The following ANKRD44 variants were observed in gnomAD, a reference collection of about 807,000 sequenced individuals.
ANKRD44 encodes the protein serine/threonine-protein phosphatase 6 regulatory ankyrin repeat subunit B.
Under a neutral mutation model 116.0 loss-of-function variants are expected in ANKRD44, and 35 were observed. The ratio of observed to expected loss-of-function variants is 0.30; its 90% CI spans 0.23 to 0.40. The LOEUF (loss-of-function observed/expected upper bound fraction) is 0.40, where lower values mean the gene tolerates loss of function less well. Among genes scored for constraint, ANKRD44 ranks in the 10% least tolerant of loss-of-function variants. ANKRD44 has a pLI of 1.00. For synonymous variants in ANKRD44, 435 were observed against 461.8 expected (o/e 0.94, Z 0.74); for missense variants, 1,014 against 1,242.6 (o/e 0.82, Z 2.77).
At chr2:196,998,163 A>G (rs1559404529) in intron 25 of ANKRD44, among the ~76,000 whole-genome samples, 174 bp downstream of exon 25, 1 of 152,186 alleles carries the variant, frequency 6.6e-6, no homozygotes, top group East Asian at 1.9e-4. Flanking sequence ...ACACGAATGC[A>G]TTGTTGGGTC....
At chr2:196,982,220 G>A (rs2075807147), downstream of ANKRD44, among the ~76,000 whole-genome samples, 2 of 151,022 alleles carry the variant, frequency 1.3e-5, no homozygotes, top group Admixed American at 6.6e-5. Context: ...AGAGACCAGG[G>A]CAGTTTCCAG....
intron 16 of ANKRD44, among the ~76,000 whole-genome samples, chr2:197,041,089 A>T (rs983400843): frequency 2.6e-5 from 4 of 152,218 alleles, no homozygotes; most frequent in African/African-American, 9.6e-5. Context: ...ACTGTTCCAC[A>T]ACTAACTCTT....
rs778287888 is a variant in ANKRD44, at chr2:197,086,644, T to G, written c.1316+36A>C. ...CATAGACCACTCCCAGTTCCTCTTA[T>G]TTAAGCACTTGAAGCACAACTCTCT... On this transcript the variant is annotated intron_variant, in intron 13 of 27. Transcript: ENST00000282272. 14 of 1,601,812 alleles carry G rather than the reference T, an allele frequency of 8.7e-6. 1 individual carries two copies. The South Asian group carries it at 1.2e-4, about 14-fold the overall frequency.
chr2:196,990,877 G>A (rs2075902612), intron 27 of ANKRD44: 9 of 1,232,668 alleles, frequency 7.3e-6, no homozygotes, highest in South Asian at 8.2e-5. Flanking sequence ...ATGAGGGCCA[G>A]GCAGTCAGCC....
intron 1 of ANKRD44, among the ~76,000 whole-genome samples, chr2:197,282,304 T>C (rs934455578): frequency 6.6e-6 from 1 of 152,068 alleles, no homozygotes; most frequent in Admixed American, 6.5e-5. Context: ...TTTGCCATTA[T>C]GTTTTCTTTT....
intron 2 of ANKRD44, among the ~76,000 whole-genome samples, chr2:197,185,934 G>C (rs550550898): frequency 4.6e-5 from 7 of 152,240 alleles, no homozygotes; most frequent in Admixed American, 4.6e-4. Context: ...GCCACTTATA[G>C]TCTGTTTCAC....
intron 24 of ANKRD44, 102 bp downstream of exon 24, chr2:196,998,804 CT>C: frequency 1.4e-6 from 2 of 1,478,398 alleles, no homozygotes; most frequent in Non-Finnish European, 1.8e-6. Flanking sequence ...GCTAATGGCC[CT>C]TTTCCACGTG....
At chr2:197,010,412 CT>C (rs1484727283) in intron 18 of ANKRD44, among the ~76,000 whole-genome samples, 2 of 152,182 alleles carry the variant, frequency 1.3e-5, no homozygotes, top group East Asian at 3.9e-4. Context: ...GGGCCTCCCC[CT>C]GCCCCTCCTC....
At chr2:197,066,486 C>G (rs1228845682) in intron 16 of ANKRD44, among the ~76,000 whole-genome samples, 2 of 152,074 alleles carry the variant, frequency 1.3e-5, no homozygotes, top group South Asian at 2.1e-4. Flanking sequence ...ATTAGGAAAA[C>G]AGGAAGTCAA....
At chr2:197,023,707 C>T (rs1398954861) in intron 17 of ANKRD44, among the ~76,000 whole-genome samples, 2 of 152,184 alleles carry the variant, frequency 1.3e-5, no homozygotes, top group African/African-American at 2.4e-5. Context: ...TAACCCTCCA[C>T]ATAAGACTCT....
intron 21 of ANKRD44, among the ~76,000 whole-genome samples, chr2:196,975,147 C>G (rs184887030): frequency 9.2e-5 from 14 of 152,166 alleles, no homozygotes; most frequent in Admixed American, 7.8e-4. Context: ...ACTAACCTTA[C>G]AGCAACATAA....
At chr2:197,100,326 T>G (rs1177106715) in intron 9 of ANKRD44, among the ~76,000 whole-genome samples, 1 of 152,050 alleles carries the variant, frequency 6.6e-6, no homozygotes, top group African/African-American at 2.4e-5. Flanking sequence ...TCCCAGCTAC[T>G]CAGGAGGCTG....
intron 2 of ANKRD44, among the ~76,000 whole-genome samples, chr2:197,160,183 A>G (rs530082616): frequency 1.3e-5 from 2 of 152,338 alleles, no homozygotes; most frequent in Admixed American, 6.5e-5. Flanking sequence ...CTTTGAGTAA[A>G]TAAATCAACC....
chr2:197,259,610 C>T (rs1338740551), intron 1 of ANKRD44, among the ~76,000 whole-genome samples: 1 of 152,128 alleles, frequency 6.6e-6, no homozygotes, highest in East Asian at 1.9e-4. Flanking sequence ...GTTAAACTGT[C>T]GTCCTCCAAC....
intron 8 of ANKRD44, among the ~76,000 whole-genome samples, chr2:197,117,818 T>C (rs1395807886): frequency 6.6e-6 from 1 of 152,242 alleles, no homozygotes; most frequent in Non-Finnish European, 1.5e-5. Context: ...GTTTTATTGA[T>C]TTCTAGTTAT....
At chr2:197,216,565 A>C (rs1186892424) in intron 1 of ANKRD44, among the ~76,000 whole-genome samples, 1 of 152,116 alleles carries the variant, frequency 6.6e-6, no homozygotes, top group African/African-American at 2.4e-5. Flanking sequence ...ATCCAGGCTG[A>C]CCAGAGTGCT....
chr2:197,136,537 ACTTTTT>A (rs745334029), intron 4 of ANKRD44, 49 bp downstream of exon 4: 108 of 1,526,280 alleles, frequency 7.1e-5, no homozygotes, highest in Non-Finnish European at 9.6e-5. Context: ...CGCTAGCAAG[ACTTTTT>A]CTTTTTCTAG....
At chr2:197,015,243 G>A (rs2076369911) in intron 17 of ANKRD44, 5 of 330,362 alleles carry the variant, frequency 1.5e-5, no homozygotes, top group South Asian at 2.9e-5. Flanking sequence ...AAAGCCTGCT[G>A]CCCATCTAAC....
chr2:197,151,575 G>A (rs1328657722), intron 2 of ANKRD44, among the ~76,000 whole-genome samples: 2 of 152,090 alleles, frequency 1.3e-5, no homozygotes, highest in Non-Finnish European at 2.9e-5. Context: ...AAAAAGAAAG[G>A]GGAGGAGAAA....
Sources: gnomAD v4.1 joint callset for allele counts (sites outside exome capture counted in the v4.1 genomes callset) on GRCh38, gnomAD v4.1.1 for gene constraint, MANE v1.5 for transcripts, NCBI Gene and HGNC (gene_info 2026-07-23, HGNC 2026-07-21) for gene names.